The following SNX29 variants were observed in gnomAD, a reference collection of about 807,000 sequenced individuals.
SNX29 encodes the protein sorting nexin-29.
A neutral mutation model predicts 102.1 loss-of-function variants in SNX29; 78 were observed. The ratio of observed to expected loss-of-function variants is 0.76; its 90% confidence interval spans 0.64 to 0.92. The LOEUF (loss-of-function observed/expected upper bound fraction) is 0.92. Ranked by LOEUF, SNX29 falls within the 40% of genes least tolerant of loss-of-function variation. The pLI, the probability that SNX29 is intolerant of heterozygous loss-of-function variation, is 0.00. For synonymous variants in SNX29, 580 were observed against 414.5 expected, an observed-to-expected ratio of 1.40 and a Z score of -4.85; for missense variants, 1,280 against 1,061.7, an observed-to-expected ratio of 1.21 and a Z score of -2.86.
chr16:12,279,215 C>T (rs1314392882), intron 15 of SNX29, among the ~76,000 whole-genome samples: 2 of 152,166 alleles, frequency 1.3e-5, no homozygotes, highest in Non-Finnish European at 2.9e-5. Flanking sequence ...GACACTCGCT[C>T]ATTGCTGTGT....
rs571110670 is a variant in SNX29, at chr16:12,011,936, G to A, written c.122+8893G>A. 2.6e-5 allele frequency among the ~76,000 whole-genome samples: 4 copies of A among 152,248 alleles called. 1 individual carries two copies. The highest frequency in any genetic ancestry group is 4.1e-4 in the South Asian group (2 of 4,830). On this transcript the variant is annotated intron_variant, in intron 3 of 20. Transcript: ENST00000566228. The stretch of plus-strand genomic sequence containing the variant: ...TTTGCTTGGTACACCCAGTTAAAAC[G>A]TAATAAACTCAAAACTTTTTTTTGT...
chr16:12,184,002 A>G (rs532578265), intron 13 of SNX29, among the ~76,000 whole-genome samples: 37 of 152,214 alleles, frequency 2.4e-4, no homozygotes, highest in African/African-American at 8.2e-4. Flanking sequence ...AACCATGACA[A>G]TGGGCCACCG....
At chr16:12,539,427 A>G (rs963301562) in intron 20 of SNX29, among the ~76,000 whole-genome samples, 12 of 152,210 alleles carry the variant, frequency 7.9e-5, no homozygotes, top group Admixed American at 6.5e-4. Flanking sequence ...GTGAGTCAGC[A>G]GTGTTTTTAT....
At chr16:12,026,473 G>A (rs1384196028) in intron 3 of SNX29, among the ~76,000 whole-genome samples, 3 of 152,168 alleles carry the variant, frequency 2.0e-5, no homozygotes, top group African/African-American at 7.2e-5. Flanking sequence ...TTGTATGAAT[G>A]AATGGAAAGG....
At chr16:12,423,671 A>C (rs1207466455) in intron 18 of SNX29, among the ~76,000 whole-genome samples, 1 of 152,080 alleles carries the variant, frequency 6.6e-6, no homozygotes, top group Non-Finnish European at 1.5e-5. Context: ...CCCGTGTTCA[A>C]ACCATTCTCC....
chr16:12,351,818 C>G (rs1344037114), intron 15 of SNX29, among the ~76,000 whole-genome samples: 1 of 152,038 alleles, frequency 6.6e-6, no homozygotes, highest in Non-Finnish European at 1.5e-5. Flanking sequence ...CCAGGGCTAC[C>G]AAATAGGCAT....
intron 19 of SNX29, among the ~76,000 whole-genome samples, chr16:12,522,013 G>C (rs2151949954): frequency 6.6e-6 from 1 of 152,304 alleles, no homozygotes; most frequent in Admixed American, 6.5e-5. Flanking sequence ...CTCATCGGAG[G>C]TGGCTTTGGA....
At position 12,051,863 on chromosome 16, in the gene SNX29, G is replaced by C. The variant is rs1238787543; in HGVS notation, c.765G>C (p.Lys255Asn). Residue 255 changes from lysine to asparagine, a missense_variant, in exon 8 of 21, where the codon AAG becomes AAC. Coordinates refer to ENST00000566228, the MANE Select transcript of SNX29 (RefSeq NM_032167.5). ...RNVSADAKCK[K>N]ERKKKKKVTN... ...TTTTGCCAGATGCCAAATGCAAAAAGGAGCGGAAGAAGAAAAAGAAAGTGA... is the reference window on the plus strand; with the variant it reads ...TTTTGCCAGATGCCAAATGCAAAAACGAGCGGAAGAAGAAAAAGAAAGTGA... The C allele has an allele frequency of 6.2e-7, 1 of 1,606,702 alleles. No individual in the cohort carries two copies. The highest frequency in any genetic ancestry group is 1.1e-5 in the South Asian group (1 of 89,082).
chr16:12,547,598 C>T (rs985789150), intron 20 of SNX29, among the ~76,000 whole-genome samples: 2 of 152,070 alleles, frequency 1.3e-5, no homozygotes, highest in African/African-American at 4.8e-5. Flanking sequence ...TACACCCCCA[C>T]GAAGTCAGCC....
chr16:12,462,004 T>C (rs1431800318), intron 18 of SNX29, among the ~76,000 whole-genome samples: 22 of 66,676 alleles, frequency 3.3e-4, no homozygotes, highest in African/African-American at 1.7e-3. Flanking sequence ...TATATATATA[T>C]ATATATATGT....
intron 3 of SNX29, among the ~76,000 whole-genome samples, 154 bp from the exon 4 acceptor site, chr16:12,027,166 G>A (rs1794952679): frequency 6.6e-6 from 1 of 152,166 alleles, no homozygotes; most frequent in Non-Finnish European, 1.5e-5. Context: ...AGTGGCGCAG[G>A]TCAGTTACCA....
intron 11 of SNX29, among the ~76,000 whole-genome samples, chr16:12,102,014 G>C (rs980512569): frequency 2.0e-5 from 3 of 152,166 alleles, no homozygotes. Context: ...AGAACATGCG[G>C]TGTTTGGTCT....
intron 16 of SNX29, among the ~76,000 whole-genome samples, chr16:12,358,494 A>C (rs1379024051): frequency 6.6e-6 from 1 of 152,178 alleles, no homozygotes; most frequent in Non-Finnish European, 1.5e-5. Flanking sequence ...GCTTGAACCC[A>C]GGTCAGAATC....
chr16:12,240,023 C>A (rs531473444), intron 14 of SNX29, among the ~76,000 whole-genome samples: 4 of 152,158 alleles, frequency 2.6e-5, no homozygotes, highest in African/African-American at 7.2e-5. Flanking sequence ...CTAGGTAAAT[C>A]ATTTTGCATT....
At position 12,354,869 on chromosome 16, in the gene SNX29, T is replaced by G. The variant is rs111255950; in HGVS notation, c.1783-1294T>G. Among the ~76,000 whole-genome samples the G allele has an allele frequency of 6.1e-3, 930 of 152,362 alleles. 9 individuals carry two copies. The highest frequency in any genetic ancestry group is 0.022 in the African/African-American group (898 of 41,574). On this transcript the variant is annotated intron_variant, in intron 15 of 20. Transcript: ENST00000566228. ...GAAAAAAGCTGGCAGAAAGGCTCAG[T>G]GACTTATTCTGCCTTTGTTAATTGC...
chr16:12,210,433 T>C (rs906416881), intron 14 of SNX29, among the ~76,000 whole-genome samples: 1 of 149,864 alleles, frequency 6.7e-6, no homozygotes, highest in Non-Finnish European at 1.5e-5. Flanking sequence ...GCTCAAGCAA[T>C]CCCTCCTGCC....
chr16:12,060,796 C>T (rs1567170549), intron 8 of SNX29: 1 of 456,320 alleles, frequency 2.2e-6, no homozygotes, highest in East Asian at 6.9e-5. Flanking sequence ...ACCACACTGC[C>T]TGGCGTTTCG....
At chr16:12,171,796 T>C (rs1425431132) in intron 13 of SNX29, among the ~76,000 whole-genome samples, 1 of 152,252 alleles carries the variant, frequency 6.6e-6, no homozygotes. Context: ...GTACTCAGCC[T>C]CTAATGTCTT....
chr16:12,393,728 A>AG (rs1417293329), intron 16 of SNX29, among the ~76,000 whole-genome samples: 1 of 152,272 alleles, frequency 6.6e-6, no homozygotes, highest in African/African-American at 2.4e-5. Context: ...GAAGAGGAGA[A>AG]GGGAGCAGTA....
Sources: allele counts gnomAD v4.1 joint callset (sites outside exome capture counted in the v4.1 genomes callset), GRCh38; gene constraint gnomAD v4.1.1; transcripts MANE v1.5; gene names NCBI Gene and HGNC (gene_info 2026-07-23, HGNC 2026-07-21).